CSMD1: variants seen among roughly 807,000 people sequenced by gnomAD.
CSMD1 encodes the protein CUB and sushi domain-containing protein 1.
A neutral mutation model predicts 417.5 loss-of-function variants in CSMD1; 213 were observed. The ratio of observed to expected loss-of-function variants is 0.51; its 90% CI spans 0.46 to 0.57. The LOEUF (loss-of-function observed/expected upper bound fraction) is 0.57. CSMD1 is among the 20% of genes least tolerant of loss of function. CSMD1 has a pLI of 0.00. For missense variants in CSMD1, 6,923 were observed against 4,529.7 expected (o/e 1.53, Z -15.17); for synonymous variants, 2,862 against 1,736.8 (o/e 1.65, Z -16.11).
chr8:4,209,353 C>T (rs1258227872), intron 3 of CSMD1, among the ~76,000 whole-genome samples: 1 of 152,180 alleles, frequency 6.6e-6, no homozygotes, highest in South Asian at 2.1e-4. Flanking sequence ...AGAAAGAATT[C>T]CAAAGGACAC....
intron 1 of CSMD1, among the ~76,000 whole-genome samples, chr8:4,918,187 A>T (rs1386062820): frequency 6.6e-6 from 1 of 152,224 alleles, no homozygotes; most frequent in Non-Finnish European, 1.5e-5. Context: ...TCCTGAGTTG[A>T]AATCATTACG....
At chr8:3,517,241 G>C (rs906711338) in intron 10 of CSMD1, among the ~76,000 whole-genome samples, 5 of 152,160 alleles carry the variant, frequency 3.3e-5, no homozygotes, top group Admixed American at 2.0e-4. Flanking sequence ...TCTGTGATTA[G>C]AGGGAAAACT....
intron 3 of CSMD1, among the ~76,000 whole-genome samples, chr8:4,381,157 T>G (rs1372563582): frequency 6.6e-6 from 1 of 152,194 alleles, no homozygotes; most frequent in Non-Finnish European, 1.5e-5. Context: ...AGAAGTCAAT[T>G]TTTAAAAATA....
At chr8:3,634,940 ATG>A (rs1796959035) in intron 7 of CSMD1, among the ~76,000 whole-genome samples, 1 of 152,186 alleles carries the variant, frequency 6.6e-6, no homozygotes, top group Non-Finnish European at 1.5e-5. Flanking sequence ...CTCACACCAC[ATG>A]TGACTGTACT....
At chr8:2,949,233 T>A in intron 68 of CSMD1, 66 bp downstream of exon 68, 2 of 875,956 alleles carry the variant, frequency 2.3e-6, no homozygotes, top group Non-Finnish European at 1.8e-6. Context: ...TTCCATTTCT[T>A]CTTAGAAACA....
chr8:3,142,653 T>A lies in CSMD1; in HGVS notation c.6053A>T (p.Asn2018Ile), dbSNP rs1039686154. Residue 2018 changes from asparagine to isoleucine, a missense_variant, in exon 41 of 70, where the codon AAT becomes ATT. Coordinates refer to ENST00000635120, the MANE Select transcript of CSMD1 (RefSeq NM_033225.6). ...IGYGAHIQFL[N>I]FSTEANHDFL... ...GTCATGATTAGCTTCGGTAGAAAAA[T>A]TCAGAAACTGAATATGTGCACCTAT... 1 of 1,613,596 alleles carries A rather than the reference T, an allele frequency of 6.2e-7. No individual in the cohort carries two copies. The highest frequency in any genetic ancestry group is 8.5e-7 in the Non-Finnish European group (1 of 1,179,590).
intron 2 of CSMD1, among the ~76,000 whole-genome samples, chr8:4,518,708 A>G (rs1266283136): frequency 1.3e-5 from 2 of 152,100 alleles, no homozygotes; most frequent in Admixed American, 6.6e-5. Context: ...TGGCACATGT[A>G]TACATATGTA....
At chr8:3,928,869 A>G (rs1809938817) in intron 5 of CSMD1, among the ~76,000 whole-genome samples, 1 of 140,706 alleles carries the variant, frequency 7.1e-6, no homozygotes, top group Admixed American at 7.9e-5. Flanking sequence ...GAGAAATGTC[A>G]TGGAGCTTTC....
chr8:4,022,978 G>T (rs763950157), intron 4 of CSMD1, among the ~76,000 whole-genome samples: 1 of 152,214 alleles, frequency 6.6e-6, no homozygotes, highest in African/African-American at 2.4e-5. Context: ...ATAAATAGCA[G>T]TATGGCAAAG....
chr8:4,310,776 G>C (rs187793452), intron 3 of CSMD1, among the ~76,000 whole-genome samples: 1 of 152,272 alleles, frequency 6.6e-6, no homozygotes, highest in East Asian at 1.9e-4. Context: ...TCCATATACA[G>C]CCTTACCAAA....
intron 2 of CSMD1, among the ~76,000 whole-genome samples, chr8:4,627,995 T>TA (rs34957840): frequency 0.37 from 55,787 of 150,506 alleles, 11,233 homozygotes; most frequent in South Asian, 0.55. Context: ...CTGTGACAAT[T>TA]AAAAAAAAAT....
In CSMD1 at chr8:4,222,068, C is replaced by G. The variant is rs146071343; in HGVS notation, c.416-189969G>C. ...AGAAGACATCAAAGGCCATCAATGA[C>G]TTAGAAAAGCCATTAGTGGAAGAAA... is the stretch of plus-strand genomic sequence containing the variant. On this transcript the variant is annotated intron_variant, in intron 3 of 69. Transcript: ENST00000635120. 5.0e-3 allele frequency among the ~76,000 whole-genome samples: 755 copies of G among 150,288 alleles called. 8 individuals carry two copies. Among genetic ancestry groups the G allele is most frequent in the African/African-American group, 0.018 (718 of 40,748 alleles).
intron 3 of CSMD1, among the ~76,000 whole-genome samples, chr8:4,308,606 A>G (rs1798384998): frequency 6.6e-6 from 1 of 152,208 alleles, no homozygotes; most frequent in Admixed American, 6.5e-5. Context: ...AATGGAGAGA[A>G]TTTGTTAAGC....
At chr8:3,301,766 C>T (rs718120) in intron 25 of CSMD1, among the ~76,000 whole-genome samples, 3,618 of 152,046 alleles carry the variant, frequency 0.024, 93 homozygotes, top group East Asian at 0.078. Flanking sequence ...TGCTTGTCAA[C>T]GTACAGTGAG....
At chr8:3,567,864 G>A (rs1268832262) in intron 10 of CSMD1, among the ~76,000 whole-genome samples, 1 of 151,988 alleles carries the variant, frequency 6.6e-6, no homozygotes, top group African/African-American at 2.4e-5. Flanking sequence ...TTATATAGTT[G>A]GACTCCTTAT....
In CSMD1 at chr8:3,187,972, A is replaced by T; in HGVS notation, c.5524-7T>A. On this transcript the variant is annotated splice_polypyrimidine_tract_variant and splice_region_variant and intron_variant, in intron 35 of 69. Transcript: ENST00000635120. ...CAAAACTGATCACTTGGATCTACCAAACCATGACATTAAGTTAATATTTAT... is the reference window on the plus strand; with the variant it reads ...CAAAACTGATCACTTGGATCTACCATACCATGACATTAAGTTAATATTTAT... 6.2e-7 allele frequency: 1 copy of T among 1,610,250 alleles called. No homozygotes were observed. Among genetic ancestry groups the T allele is most frequent in the Non-Finnish European group, 8.5e-7 (1 of 1,177,986 alleles).
At chr8:3,549,855 C>G (rs1798833841) in intron 10 of CSMD1, among the ~76,000 whole-genome samples, 1 of 152,100 alleles carries the variant, frequency 6.6e-6, no homozygotes, top group African/African-American at 2.4e-5. Flanking sequence ...AAGCAACAGA[C>G]AGTGGAGTAA....
chr8:4,224,836 G>A (rs556607860), intron 3 of CSMD1, among the ~76,000 whole-genome samples: 5 of 152,322 alleles, frequency 3.3e-5, no homozygotes, highest in South Asian at 2.1e-4. Context: ...TATATAGGGC[G>A]CTGTGGCTCA....
chr8:4,936,654 T>C (rs1807641456), intron 1 of CSMD1, among the ~76,000 whole-genome samples: 1 of 152,166 alleles, frequency 6.6e-6, no homozygotes, highest in African/African-American at 2.4e-5. Context: ...CAAGAGCTAG[T>C]TATGGACATT....
Sources: allele counts gnomAD v4.1 joint callset (sites outside exome capture counted in the v4.1 genomes callset), GRCh38; gene constraint gnomAD v4.1.1; transcripts MANE v1.5; gene names NCBI Gene and HGNC (gene_info 2026-07-23, HGNC 2026-07-21).